Variants in NAALADL2 observed in about 807,000 individuals in gnomAD.
The protein encoded by NAALADL2 is inactive N-acetylated-alpha-linked acidic dipeptidase-like protein 2.
Under a neutral mutation model 87.2 loss-of-function variants are expected in NAALADL2, and 76 were observed. The ratio of observed to expected loss-of-function variants is 0.87; its 90% CI spans 0.72 to 1.05. The LOEUF is 1.05. NAALADL2 is among the 50% of genes least tolerant of loss of function. NAALADL2 has a pLI of 0.00. For synonymous variants in NAALADL2, 354 were observed against 331.0 expected, an observed-to-expected ratio of 1.07 and a Z score of -0.75; for missense variants, 1,089 against 945.8, an observed-to-expected ratio of 1.15 and a Z score of -1.99.
chr3:175,526,876 AGC>A (rs1733491515), intron 9 of NAALADL2, among the ~76,000 whole-genome samples: 2 of 152,164 alleles, frequency 1.3e-5, no homozygotes, highest in African/African-American at 4.8e-5. Flanking sequence ...TAGAGCATTT[AGC>A]TAAAACCCTC....
intron 1 of NAALADL2, chr3:174,459,750 T>G (rs1243725366): frequency 2.0e-5 from 3 of 152,176 alleles, no homozygotes; most frequent in African/African-American, 4.8e-5. Context: ...CAAAGTAGTA[T>G]TAGAACTCCC....
chr3:175,097,342 G>T, intron 2 of NAALADL2, 51 bp downstream of exon 2: 4 of 1,519,372 alleles, frequency 2.6e-6, no homozygotes. Context: ...TGGGAAAAAT[G>T]TCTCACAGGG....
intron 11 of NAALADL2, chr3:175,718,293 C>A (rs533192010): frequency 2.0e-6 from 3 of 1,482,904 alleles, no homozygotes; most frequent in Non-Finnish European, 2.7e-6. Context: ...CATCGTTAGG[C>A]GCCGAAGCTC....
chr3:175,565,803 C>T (rs1371533330), intron 9 of NAALADL2, among the ~76,000 whole-genome samples: 1 of 149,726 alleles, frequency 6.7e-6, no homozygotes, highest in African/African-American at 2.5e-5. Flanking sequence ...TTCCCTATGT[C>T]CAAACAAAAA....
rs866079456 is a variant in NAALADL2 at position 174,613,681 on chromosome 3, T to C, written c.-115+63044T>C. ...TGCCTGAGACTTACCTTCAGGGCAG[T>C]AGGCTCCTTTCTGGTCCAGGGCAGG... On this transcript the variant is annotated intron_variant, in intron 2 of 3. Transcript: ENST00000434257. Among the ~76,000 whole-genome samples the C allele has an allele frequency of 2.0e-5, 3 of 152,252 alleles. No individual in the cohort carries two copies. The Middle Eastern group carries it at 0.01, about 518-fold the overall frequency.
At chr3:175,585,175 T>A (rs1422403571) in intron 10 of NAALADL2, among the ~76,000 whole-genome samples, 1 of 151,952 alleles carries the variant, frequency 6.6e-6, no homozygotes, top group African/African-American at 2.4e-5. Flanking sequence ...AAAAATTTTT[T>A]TTGTTAAAAA....
intron 1 of NAALADL2, among the ~76,000 whole-genome samples, chr3:175,044,761 A>G (rs1278681851): frequency 6.6e-6 from 1 of 152,094 alleles, no homozygotes; most frequent in Non-Finnish European, 1.5e-5. Context: ...AAAAGTATCA[A>G]AGTCTTACAG....
intron 2 of NAALADL2, among the ~76,000 whole-genome samples, chr3:175,227,061 T>C (rs1744259761): frequency 6.6e-6 from 1 of 152,062 alleles, no homozygotes; most frequent in Admixed American, 6.6e-5. Flanking sequence ...GCATATGTTA[T>C]TGTAAATACA....
chr3:175,765,137 A>C (rs1157244936), intron 13 of NAALADL2, among the ~76,000 whole-genome samples: 1 of 152,184 alleles, frequency 6.6e-6, no homozygotes, highest in Non-Finnish European at 1.5e-5. Context: ...CTTGCACAAA[A>C]GAATCTATGT....
At chr3:175,534,959 T>G (rs1734607617) in intron 9 of NAALADL2, among the ~76,000 whole-genome samples, 1 of 152,050 alleles carries the variant, frequency 6.6e-6, no homozygotes, top group Non-Finnish European at 1.5e-5. Context: ...GAGACCTACT[T>G]GTTCAGAAGT....
At chr3:174,581,742 C>T (rs1055416765) in intron 2 of NAALADL2, among the ~76,000 whole-genome samples, 3 of 152,146 alleles carry the variant, frequency 2.0e-5, no homozygotes, top group Non-Finnish European at 2.9e-5. Context: ...TAGGTAGTCA[C>T]ATGACTAGTT....
chr3:175,365,584 C>T lies in NAALADL2; in HGVS notation c.1090+41259C>T, dbSNP rs1054904820. Among the ~76,000 whole-genome samples, 13 of 146,956 alleles carry T rather than the reference C, an allele frequency of 8.8e-5. 2 individuals are homozygous for T. Among genetic ancestry groups the T allele is most frequent in the Non-Finnish European group, 9.0e-5 (6 of 66,326 alleles). On this transcript the variant is annotated intron_variant, in intron 5 of 13. Coordinates refer to ENST00000454872, the MANE Select transcript of NAALADL2 (RefSeq NM_207015.3). ...GATTTTGTGGATTTTTCTGATTCCACGAAGGCAAAATAACATGTTTGGTGG... is the reference window on the plus strand; with the variant it reads ...GATTTTGTGGATTTTTCTGATTCCATGAAGGCAAAATAACATGTTTGGTGG...
chr3:174,880,322 AG>A (rs1265339294), intron 1 of NAALADL2, among the ~76,000 whole-genome samples: 2 of 152,112 alleles, frequency 1.3e-5, no homozygotes, highest in Non-Finnish European at 2.9e-5. Context: ...CCAGTTGCTC[AG>A]CCTAAAACAA....
upstream of NAALADL2, chr3:174,859,284 T>C (rs1726180520): frequency 7.2e-6 from 5 of 694,382 alleles, no homozygotes; most frequent in Admixed American, 1.0e-4. Flanking sequence ...TGGTAATTAT[T>C]CACAGAAGAA....
chr3:174,765,172 C>G lies in NAALADL2; in HGVS notation c.-9+27426C>G, dbSNP rs914692516. On this transcript the variant is annotated intron_variant, in intron 3 of 3. Coordinates refer to the NAALADL2 transcript ENST00000434257. ...AGAGAGAGAGAGAGAGAGAGAGAGA[C>G]AGAGAGAACAAGAGACAGTGGTTGG... Among the ~76,000 whole-genome samples the G allele has an allele frequency of 1.1e-3, 147 of 135,626 alleles. 2 individuals carry two copies. The highest frequency in any genetic ancestry group is 3.1e-3 in the African/African-American group (113 of 36,438). 89.0% of individuals were successfully genotyped at this position (135,626 alleles called of 152,430 possible). A position where few individuals can be genotyped will look rare whatever the true frequency, so the allele number is the denominator to read the frequency against.
intron 11 of NAALADL2, among the ~76,000 whole-genome samples, chr3:175,671,235 G>A (rs1733969318): frequency 6.6e-6 from 1 of 151,112 alleles, no homozygotes; most frequent in Admixed American, 6.6e-5. Flanking sequence ...TCTGCAAAAT[G>A]TTAACTCCAT....
chr3:174,973,206 AG>A (rs1049563251), intron 1 of NAALADL2, among the ~76,000 whole-genome samples: 2 of 152,192 alleles, frequency 1.3e-5, no homozygotes, highest in Non-Finnish European at 2.9e-5. Context: ...TTTTTAAAGA[AG>A]TAATTATTTG....
chr3:174,472,492 A>G (rs1716965346), intron 1 of NAALADL2, among the ~76,000 whole-genome samples: 3 of 152,126 alleles, frequency 2.0e-5, no homozygotes, highest in South Asian at 2.1e-4. Context: ...GTGAGTGTCA[A>G]CAAAAGAGGG....
At chr3:174,661,217 T>C (rs1249070874) in intron 2 of NAALADL2, among the ~76,000 whole-genome samples, 2 of 152,190 alleles carry the variant, frequency 1.3e-5, no homozygotes, top group Non-Finnish European at 2.9e-5. Context: ...CCCCAGAGTC[T>C]ATCCACTTGA....
Sources: allele counts gnomAD v4.1 joint callset (sites outside exome capture counted in the v4.1 genomes callset), GRCh38; gene constraint gnomAD v4.1.1; transcripts MANE v1.5; gene names NCBI Gene and HGNC (gene_info 2026-07-23, HGNC 2026-07-21).